Variants in DPP4 observed in about 807,000 individuals in gnomAD.
DPP4 encodes ADCP-2.
A neutral mutation model predicts 122.4 loss-of-function variants in DPP4; 93 were observed. That is an observed-to-expected ratio of 0.76 (90% CI 0.64 to 0.90). The LOEUF is 0.90. DPP4 is among the 40% of genes least tolerant of loss of function. DPP4 has a pLI of 0.00. For synonymous variants in DPP4, 321 were observed against 302.9 expected, an observed-to-expected ratio of 1.06 and a Z score of -0.62; for missense variants, 914 against 907.3, an observed-to-expected ratio of 1.01 and a Z score of -0.09.
intron 22 of DPP4, among the ~76,000 whole-genome samples, chr2:162,006,245 C>T (rs1480401576): frequency 6.6e-6 from 1 of 152,138 alleles, no homozygotes; most frequent in Non-Finnish European, 1.5e-5. Flanking sequence ...TAGGAAGTCA[C>T]TTAATGCCTC....
chr2:162,047,255 G>A, intron 3 of DPP4, 148 bp downstream of exon 3: 4 of 485,590 alleles, frequency 8.2e-6, no homozygotes, highest in Non-Finnish European at 1.1e-5. Flanking sequence ...TTCTCCCTTT[G>A]CACTTCAAGT....
At position 162,008,720 on chromosome 2, in the gene DPP4, G is replaced by A. The variant is rs949926358; in HGVS notation, c.1888-59C>T. On this transcript the variant is annotated intron_variant, in intron 21 of 25. Transcript: ENST00000360534. The stretch of plus-strand genomic sequence containing the variant: ...AAAAGAATAAGGACATATGGTAAGC[G>A]AGTCGCAGTTTCCACATTTCTCACA... 14 of 1,453,182 alleles carry A rather than the reference G, an allele frequency of 9.6e-6. No individual in the cohort carries two copies. In the East Asian group the frequency reaches 1.6e-4, roughly 16 times the overall value. The allele number at this position is 1,453,182 out of a possible 1,614,324, so 90.0% of individuals were successfully genotyped here.
rs533744131 is a variant in DPP4 at position 161,999,407 on chromosome 2, G to A, written c.2053-4035C>T. ...GAAATGGATGACTAAGTTAGAAGCC[G>A]AATAGTCTATCACCAACTACTAAAA... On this transcript the variant is annotated intron_variant, in intron 23 of 25. Coordinates refer to ENST00000360534, the MANE Select transcript of DPP4 (RefSeq NM_001935.4). Among the ~76,000 whole-genome samples, 8 of 152,304 alleles carry A rather than the reference G, an allele frequency of 5.3e-5. No individual in the cohort carries two copies. The South Asian group carries it at 6.2e-4, about 12-fold the overall frequency.
intron 2 of DPP4, among the ~76,000 whole-genome samples, chr2:162,072,959 G>A (rs1685167970): frequency 6.6e-6 from 1 of 152,016 alleles, no homozygotes; most frequent in South Asian, 2.1e-4. Context: ...ACTGTATTTT[G>A]GGGCTTGCTT....
chr2:162,039,954 C>G lies in DPP4; in HGVS notation c.367-770G>C, dbSNP rs535726754. On this transcript the variant is annotated intron_variant, in intron 5 of 25. Transcript: ENST00000360534. ...GTAAAACAGCACAAATGACTGGTAT[C>G]AGAAAGGAAAAATGGGATATCACAA... Among the ~76,000 whole-genome samples the G allele has an allele frequency of 3.3e-5, 5 of 151,728 alleles. No homozygotes were observed. In the East Asian group the frequency reaches 9.7e-4, roughly 29 times the overall value.
At chr2:162,065,796 G>A (rs1450390234) in intron 2 of DPP4, among the ~76,000 whole-genome samples, 1 of 152,178 alleles carries the variant, frequency 6.6e-6, no homozygotes, top group Non-Finnish European at 1.5e-5. Context: ...ATAGCACTTT[G>A]ATCATTTACT....
chr2:162,071,846 T>G (rs897689940), intron 2 of DPP4, among the ~76,000 whole-genome samples: 11 of 152,318 alleles, frequency 7.2e-5, no homozygotes, highest in African/African-American at 7.2e-5. Flanking sequence ...AAGCCTCAGA[T>G]CCCTAGGCCT....
At chr2:162,035,410 G>T in intron 8 of DPP4, 86 bp from the exon 9 acceptor site, 1 of 1,265,548 alleles carries the variant, frequency 7.9e-7, no homozygotes, top group Non-Finnish European at 1.1e-6. Flanking sequence ...ATTAGCTTTA[G>T]TAATTACAGT....
intron 2 of DPP4, among the ~76,000 whole-genome samples, chr2:162,054,665 G>A (rs149835256): frequency 1.6e-3 from 248 of 152,200 alleles, no homozygotes; most frequent in African/African-American, 5.6e-3. Context: ...CTCTTCTGCC[G>A]TGTGAGAATG....
chr2:162,033,471 A>G lies in DPP4; in HGVS notation c.887+70T>C, dbSNP rs1055167298. ...GAGGCTGTGATCCACTTTGCCATTC[A>G]CTTTTGAAAAGTTCTCCCTAGAAAG... On this transcript the variant is annotated intron_variant, in intron 10 of 25. Coordinates refer to ENST00000360534, the MANE Select transcript of DPP4 (RefSeq NM_001935.4). The G allele has an allele frequency of 1.3e-5, 16 of 1,195,922 alleles. No homozygotes were observed. The African/African-American group carries it at 2.0e-4, about 15-fold the overall frequency. 74.1% of individuals were successfully genotyped at this position (1,195,922 alleles called of 1,614,324 possible). A position where few individuals can be genotyped will look rare whatever the true frequency, so the allele number is the denominator to read the frequency against.
At position 162,024,954 on chromosome 2, in the gene DPP4, GA is replaced by G. The variant is rs766722703; in HGVS notation, c.888-16del. 6.2e-7 allele frequency: 1 copy of G among 1,611,070 alleles called. No homozygotes were observed. The highest frequency in any genetic ancestry group is 1.3e-5 in the African/African-American group (1 of 75,036). ...AGTAGTGATCCCTGGAAGGAAGAAA[GA>G]AAGGAAGGACAGAGAGAGAGAATGA... On this transcript the variant is annotated splice_polypyrimidine_tract_variant and intron_variant, in intron 10 of 25. Coordinates refer to ENST00000360534, the MANE Select transcript of DPP4 (RefSeq NM_001935.4).
At chr2:162,005,372 CT>C (rs1331338164) in intron 23 of DPP4, among the ~76,000 whole-genome samples, 1 of 152,096 alleles carries the variant, frequency 6.6e-6, no homozygotes. Flanking sequence ...ATATATCTTA[CT>C]TATGATAATA....
chr2:162,012,859 C>T (rs1310621094), intron 19 of DPP4, among the ~76,000 whole-genome samples: 1 of 152,126 alleles, frequency 6.6e-6, no homozygotes, highest in Non-Finnish European at 1.5e-5. Flanking sequence ...TGTCCCTGCA[C>T]AGGATAGGAC....
chr2:162,009,513 TTGTGTGTGTGTGTGTGTG>T (rs57878632), intron 20 of DPP4, among the ~76,000 whole-genome samples: 1 of 144,274 alleles, frequency 6.9e-6, no homozygotes, highest in Non-Finnish European at 1.5e-5. Flanking sequence ...TTCATAAAAA[TTGTGTGTGTGTGTGTGTG>T]TGTGTGTGTG....
Position 162,018,768 on chromosome 2 carries a change from A to G in DPP4, c.1381T>C (p.Phe461Leu), listed in dbSNP as rs200042124. ...PERCQYYSVS[F>L]SKEAKYYQLR... Reference sequence around the variant, plus strand: ...TGATAATACTTCGCCTCTTTACTGAATGACACAGAATAGTACTGACACCTT... The same window carrying G: ...TGATAATACTTCGCCTCTTTACTGAGTGACACAGAATAGTACTGACACCTT... The change falls in exon 16 of 26, where the codon TTC becomes CTC. Residue 461 changes from phenylalanine to leucine, a missense_variant. Physicochemically the swap from Phe to Leu is conservative, Grantham distance 22 (BLOSUM62 0). Coordinates refer to ENST00000360534, the MANE Select transcript of DPP4 (RefSeq NM_001935.4). The G allele has an allele frequency of 9.3e-6, 15 of 1,614,062 alleles. No individual in the cohort carries two copies. Among genetic ancestry groups the G allele is most frequent in the Non-Finnish European group, 1.2e-5 (14 of 1,180,030 alleles).
chr2:162,045,626 A>G lies in DPP4; in HGVS notation c.286-14T>C. 6.3e-7 allele frequency: 1 copy of G among 1,592,254 alleles called. No homozygotes were observed. Among genetic ancestry groups the G allele is most frequent in the East Asian group, 2.2e-5 (1 of 44,716 alleles). On this transcript the variant is annotated splice_polypyrimidine_tract_variant and intron_variant, in intron 4 of 25. Coordinates refer to ENST00000360534, the MANE Select transcript of DPP4 (RefSeq NM_001935.4). ...TCCAAACTCATCCTGTCAAACAAGAAGAACAAAGAAAAATTGAACAATTCC... is the reference window on the plus strand; with the variant it reads ...TCCAAACTCATCCTGTCAAACAAGAGGAACAAAGAAAAATTGAACAATTCC...
At chr2:162,073,612 C>A (rs1353613027) in intron 1 of DPP4, 126 bp from the exon 2 acceptor site, 2 of 781,884 alleles carry the variant, frequency 2.6e-6, no homozygotes, top group African/African-American at 3.5e-5. Flanking sequence ...AGGGAGACCG[C>A]GGGCTGGGGG....
In DPP4 at chr2:162,047,061, TA is replaced by T. The variant is rs1684208345; in HGVS notation, c.194-56del. ...TTCAAGTTGTTATTAAACATCTTCATAAGCTGAAAATTACAGAATACAGTTT... is the reference window on the plus strand; with the variant it reads ...TTCAAGTTGTTATTAAACATCTTCATAGCTGAAAATTACAGAATACAGTTT... On this transcript the variant is annotated intron_variant, in intron 3 of 25. Coordinates refer to ENST00000360534, the MANE Select transcript of DPP4 (RefSeq NM_001935.4). 6 of 973,572 alleles carry T rather than the reference TA, an allele frequency of 6.2e-6. No homozygotes were observed. In the East Asian group the frequency reaches 1.5e-4, roughly 24 times the overall value. 60.3% of individuals were successfully genotyped at this position (973,572 alleles called of 1,614,324 possible).
chr2:162,001,179 C>T (rs922014058), intron 23 of DPP4, among the ~76,000 whole-genome samples: 2 of 152,056 alleles, frequency 1.3e-5, no homozygotes, highest in Non-Finnish European at 2.9e-5. Flanking sequence ...TTTGTGTGTC[C>T]GTAAAATAGA....
Sources: gnomAD v4.1 joint callset for allele counts (sites outside exome capture counted in the v4.1 genomes callset) on GRCh38, gnomAD v4.1.1 for gene constraint, MANE v1.5 for transcripts, NCBI Gene and HGNC (gene_info 2026-07-23, HGNC 2026-07-21) for gene names.